The following SLC25A25 variants were observed in gnomAD, a reference collection of about 807,000 sequenced individuals.
SLC25A25 encodes the protein solute carrier family 25 member 25.
A neutral mutation model predicts 57.7 loss-of-function variants in SLC25A25; 32 were observed. The ratio of observed to expected loss-of-function variants is 0.55; its 90% CI spans 0.42 to 0.74. SLC25A25 has a LOEUF of 0.74. SLC25A25 is among the 30% of genes least tolerant of loss of function. The probability of loss-of-function intolerance (pLI) is 0.00; values close to 1 mark genes in which losing one functional copy is unlikely to be tolerated. For missense variants in SLC25A25, 556 were observed against 701.3 expected (o/e 0.79, Z 2.34); for synonymous variants, 306 against 291.2 (o/e 1.05, Z -0.52).
rs1182493784 is a variant in SLC25A25, at chr9:128,083,514, T to TTTTC, written c.261+14937_261+14938insCTTT. Among the ~76,000 whole-genome samples, 8 of 9,816 alleles carry TTTTC rather than the reference T, an allele frequency of 8.1e-4. No individual in the cohort carries two copies. The East Asian group carries it at 0.027, about 33-fold the overall frequency. The allele number at this position is 9,816 out of a possible 152,430, so 6.4% of individuals were successfully genotyped here. ...ATATTTCTTTTTTTTTTCTTTTTTC[T>TTTTC]TTTTTTTTTTTTTGAGATGAAGTCT... On this transcript the variant is annotated intron_variant, in intron 1 of 10. Transcript: ENST00000373069.
Position 128,107,915 on chromosome 9 carries a change from G to A in SLC25A25, c.*471G>A, listed in dbSNP as rs941123101. 7.5e-6 allele frequency: 3 copies of A among 399,686 alleles called. No homozygotes were observed. Among genetic ancestry groups the A allele is most frequent in the Non-Finnish European group, 8.8e-6 (2 of 226,898 alleles). 24.8% of individuals were successfully genotyped at this position (399,686 alleles called of 1,614,324 possible). A position where few individuals can be genotyped will look rare whatever the true frequency, so the allele number is the denominator to read the frequency against. ...GCTACAGCCCACATCCCACCCCCTC[G>A]TCCAATCCCATAATCCATGATGAAA... On this transcript the variant is annotated 3_prime_UTR_variant, in exon 11 of 11. Transcript: ENST00000373069.
rs1834129967 is a variant in SLC25A25 at position 128,108,218 on chromosome 9, G to A, written c.*774G>A. 5.0e-6 allele frequency: 2 copies of A among 399,176 alleles called. No homozygotes were observed. The allele number at this position is 399,176 out of a possible 1,614,324, so 24.7% of individuals were successfully genotyped here. On this transcript the variant is annotated 3_prime_UTR_variant, in exon 11 of 11. Transcript: ENST00000373069. ...AACCAAACTCACTGTCCCCACTGTG[G>A]CATGAGGGCAGTGGAGCACCATGTT...
intron 1 of SLC25A25, among the ~76,000 whole-genome samples, chr9:128,069,299 A>G (rs371649643): frequency 1.3e-5 from 2 of 152,338 alleles, no homozygotes; most frequent in African/African-American, 4.8e-5. Context: ...TGGGCCTGCC[A>G]GGAAGAGAAG....
rs895671470 is a variant in SLC25A25 at position 128,082,231 on chromosome 9, C to T, written c.261+13651C>T. ...GAGTTTTTGTCAAAGCTAGATTTTC[C>T]GGTTCTGTTTCCTAAAATGGAAATA... On this transcript the variant is annotated intron_variant, in intron 1 of 10. Transcript: ENST00000373069. Among the ~76,000 whole-genome samples, 13 of 152,134 alleles carry T rather than the reference C, an allele frequency of 8.5e-5. No individual in the cohort carries two copies. In the South Asian group the frequency reaches 1.2e-3, roughly 15 times the overall value.
chr9:128,073,934 A>G (rs1832956128), intron 1 of SLC25A25, among the ~76,000 whole-genome samples: 1 of 152,072 alleles, frequency 6.6e-6, no homozygotes, highest in Admixed American at 6.6e-5. Context: ...GGGTTGCGCC[A>G]TTTTGGCCAG....
rs1411483895 is a variant in SLC25A25 at position 128,107,820 on chromosome 9, T to G, written c.*376T>G. Reference sequence around the variant, plus strand: ...CAGCTGTTGGCCACGGCCCCTGCCCTCTGGTCTGCCGTGCATCTCCCTGTG... The same window carrying G: ...CAGCTGTTGGCCACGGCCCCTGCCCGCTGGTCTGCCGTGCATCTCCCTGTG... On this transcript the variant is annotated 3_prime_UTR_variant, in exon 11 of 11. Coordinates refer to ENST00000373069, the MANE Select transcript of SLC25A25 (RefSeq NM_001330988.2). 2.5e-6 allele frequency: 1 copy of G among 406,186 alleles called. No individual in the cohort carries two copies. The highest frequency in any genetic ancestry group is 4.0e-5 in the Admixed American group (1 of 24,898). 25.2% of individuals were successfully genotyped at this position (406,186 alleles called of 1,614,324 possible).
chr9:128,075,175 GCCCATGCCTGTAGT>G (rs1299217102), intron 1 of SLC25A25, among the ~76,000 whole-genome samples: 1 of 152,068 alleles, frequency 6.6e-6, no homozygotes, highest in Non-Finnish European at 1.5e-5. Context: ...GGGCATGGTG[GCCCATGCCTGTAGT>G]CTAGCTACTC....
At chr9:128,086,171 TG>T (rs1455947154) in intron 1 of SLC25A25, among the ~76,000 whole-genome samples, 9 of 58,366 alleles carry the variant, frequency 1.5e-4, no homozygotes, top group African/African-American at 2.9e-4. Flanking sequence ...TTTTTGTTGT[TG>T]TTTTTTTTTA....
chr9:128,097,707 G>A (rs561185597), intron 1 of SLC25A25, among the ~76,000 whole-genome samples: 4 of 152,366 alleles, frequency 2.6e-5, no homozygotes, highest in South Asian at 2.1e-4. Flanking sequence ...TGGGTCTCAT[G>A]TGAGGCCTCG....
At chr9:128,070,950 C>CAAAAAAAAAAAAA (rs531221205) in intron 1 of SLC25A25, among the ~76,000 whole-genome samples, 3 of 57,444 alleles carry the variant, frequency 5.2e-5, no homozygotes, top group African/African-American at 1.8e-4. Flanking sequence ...AACTCCATCT[C>CAAAAAAAAAAAAA]AAAAAAAAAA....
At chr9:128,092,975 C>T (rs954604897) in intron 1 of SLC25A25, among the ~76,000 whole-genome samples, 2 of 152,058 alleles carry the variant, frequency 1.3e-5, no homozygotes, top group Admixed American at 6.6e-5. Flanking sequence ...GGAGTGACCT[C>T]GTTCACCTCC....
intron 1 of SLC25A25, among the ~76,000 whole-genome samples, chr9:128,096,766 C>G (rs1833570254): frequency 6.6e-6 from 1 of 152,070 alleles, no homozygotes; most frequent in Non-Finnish European, 1.5e-5. Context: ...CTTCAAGGAC[C>G]CTGGTGGTAG....
At position 128,099,224 on chromosome 9, in the gene SLC25A25, G is replaced by T; in HGVS notation, c.262-1872G>T. On this transcript the variant is annotated intron_variant, in intron 1 of 10. Coordinates refer to ENST00000373069, the MANE Select transcript of SLC25A25 (RefSeq NM_001330988.2). The surrounding 1 kb of genome is among the most constrained non-coding windows in gnomAD (Gnocchi z 6.8). ...GGAAGCCGAGCTGCAGAGTCCGGAG[G>T]CCCCTTGCCACCTCGGCTTCTCGGT... 2.3e-6 allele frequency: 3 copies of T among 1,288,644 alleles called. No homozygotes were observed. The South Asian group carries it at 3.7e-5, about 16-fold the overall frequency. 79.8% of individuals were successfully genotyped at this position (1,288,644 alleles called of 1,614,324 possible).
At chr9:128,083,513 C>CTTTTTTTTTTTTTTTTTTTT (rs1315501906) in intron 1 of SLC25A25, among the ~76,000 whole-genome samples, 13 of 117,452 alleles carry the variant, frequency 1.1e-4, no homozygotes, top group Non-Finnish European at 1.6e-4. Flanking sequence ...TTTCTTTTTT[C>CTTTTTTTTTTTTTTTTTTTT]TTTTTTTTTT....
In SLC25A25 at chr9:128,079,428, AAAAG is replaced by A. The variant is rs1284028589; in HGVS notation, c.261+10849_261+10852del. On this transcript the variant is annotated intron_variant, in intron 1 of 10. Transcript: ENST00000373069. ...TGATGCCAAAAAAAAAAAAAAAAAA[AAAAG>A]GGTGGAGAGAGGGTAGTTTAGATCA... is the stretch of plus-strand genomic sequence containing the variant. Among the ~76,000 whole-genome samples the A allele has an allele frequency of 8.1e-5, 12 of 147,942 alleles. 1 individual carries two copies. The highest frequency in any genetic ancestry group is 2.6e-4 in the African/African-American group (10 of 38,868).
In SLC25A25 at chr9:128,105,801, A is replaced by G. The variant is rs762430803; in HGVS notation, c.856A>G (p.Arg286Gly). The change falls in exon 7 of 11, where the codon AGG (arginine) becomes GGG (glycine). Residue 286 changes from arginine to glycine, a missense_variant. Arg to Gly is a moderately radical substitution (Grantham distance 125). Coordinates refer to ENST00000373069, the MANE Select transcript of SLC25A25 (RefSeq NM_001330988.2). ...TCAGATGATTCGAGAAGGAGGGGCC[A>G]GGTCACTCTGGCGGGGCAATGGCAT... Reference protein sequence around the residue: ...FTQMIREGGARSLWRGNGINV... With the variant: ...FTQMIREGGAGSLWRGNGINV... 2 of 1,614,146 alleles carry G rather than the reference A, an allele frequency of 1.2e-6. No individual in the cohort carries two copies. Among genetic ancestry groups the G allele is most frequent in the South Asian group, 2.2e-5 (2 of 91,082 alleles).
At chr9:128,076,279 C>T (rs1437360187) in intron 1 of SLC25A25, among the ~76,000 whole-genome samples, 2 of 151,940 alleles carry the variant, frequency 1.3e-5, no homozygotes, top group African/African-American at 4.8e-5. Context: ...TACAGGTGTG[C>T]ACCACCATGC....
At chr9:128,106,558 C>T in intron 9 of SLC25A25, 38 bp downstream of exon 9, 5 of 1,539,412 alleles carry the variant, frequency 3.2e-6, no homozygotes, top group Non-Finnish European at 4.4e-6. Context: ...AACCTCCTCC[C>T]AGCACACCTC....
At chr9:128,081,899 G>A (rs1220741120) in intron 1 of SLC25A25, among the ~76,000 whole-genome samples, 3 of 147,936 alleles carry the variant, frequency 2.0e-5, no homozygotes, top group Non-Finnish European at 4.5e-5. Context: ...AGTCTGGGCA[G>A]CAGAGCCAGA....
Sources: allele counts gnomAD v4.1 joint callset (sites outside exome capture counted in the v4.1 genomes callset), GRCh38; gene constraint gnomAD v4.1.1; non-coding constraint Gnocchi (gnomAD v3.1); transcripts MANE v1.5; gene names NCBI Gene and HGNC (gene_info 2026-07-23, HGNC 2026-07-21).